Variants in COTL1 observed in about 807,000 individuals in gnomAD.
COTL1 encodes coactosin like F-actin binding protein 1.
COTL1 carries 15 observed loss-of-function variants against 16.5 expected under a neutral mutation model. The ratio of observed to expected loss-of-function variants is 0.91; its 90% CI spans 0.61 to 1.40. The LOEUF (loss-of-function observed/expected upper bound fraction) is 1.40. Among genes scored for constraint, COTL1 ranks in the 40% most tolerant of loss-of-function variants. COTL1 has a pLI of 0.00. For synonymous variants in COTL1, 112 were observed against 85.3 expected (o/e 1.31, Z -1.73); for missense variants, 220 against 201.5 (o/e 1.09, Z -0.56).
At chr16:84,591,427 A>G (rs148009723) in intron 2 of COTL1, among the ~76,000 whole-genome samples, 30,367 of 149,492 alleles carry the variant, frequency 0.2, 3,433 homozygotes, top group African/African-American at 0.31. Flanking sequence ...CTTGTATTCC[A>G]CCCGCCTCAG....
intron 2 of COTL1, among the ~76,000 whole-genome samples, chr16:84,603,418 C>T (rs1387115055): frequency 6.6e-6 from 1 of 152,142 alleles, no homozygotes; most frequent in South Asian, 2.1e-4. Context: ...TACAACACGG[C>T]GTCACAGCTC....
chr16:84,589,002 GCT>G (rs1224189385), intron 3 of COTL1, among the ~76,000 whole-genome samples: 1 of 151,188 alleles, frequency 6.6e-6, no homozygotes, highest in Admixed American at 6.6e-5. Context: ...ACAGGAATTC[GCT>G]CTGTTGCCCA....
chr16:84,609,008 A>C (rs557484272), intron 2 of COTL1, among the ~76,000 whole-genome samples: 6 of 152,214 alleles, frequency 3.9e-5, no homozygotes, highest in Non-Finnish European at 8.8e-5. Context: ...TCAGCACTTT[A>C]TAACTGCCCA....
intron 2 of COTL1, among the ~76,000 whole-genome samples, chr16:84,608,165 C>T (rs1268715772): frequency 5.3e-5 from 8 of 152,202 alleles, no homozygotes; most frequent in African/African-American, 1.9e-4. Flanking sequence ...TGTGGGTGGG[C>T]ACCAGAATGA....
At chr16:84,571,892 G>A (rs116667529) in intron 3 of COTL1, among the ~76,000 whole-genome samples, 7 of 152,172 alleles carry the variant, frequency 4.6e-5, no homozygotes, top group South Asian at 2.1e-4. Flanking sequence ...TGGTCAGGCC[G>A]CATGGAGGGG....
chr16:84,602,974 A>G (rs941989815), intron 2 of COTL1, among the ~76,000 whole-genome samples: 7 of 152,242 alleles, frequency 4.6e-5, no homozygotes, highest in African/African-American at 1.2e-4. Flanking sequence ...ACATGCACCA[A>G]GAACGGTAGC....
intron 3 of COTL1, among the ~76,000 whole-genome samples, chr16:84,588,368 G>C (rs1210998314): frequency 3.3e-5 from 5 of 152,004 alleles, no homozygotes; most frequent in Admixed American, 3.3e-4. Context: ...CATTACTGTG[G>C]TACATTTGTC....
In COTL1 at chr16:84,570,329, T is replaced by C. The variant is rs185342397; in HGVS notation, c.319-3374A>G. 1.6e-3 allele frequency among the ~76,000 whole-genome samples: 239 copies of C among 152,228 alleles called. 1 individual carries two copies. Among genetic ancestry groups the C allele is most frequent in the African/African-American group, 5.3e-3 (222 of 41,526 alleles). On this transcript the variant is annotated intron_variant, in intron 3 of 3. Transcript: ENST00000262428. ...TAAGAAATCTCAAATGAAAGATACA[T>C]GGAGCTAGGCACAGGTCAACCTAAA...
chr16:84,586,420 T>C (rs1421709570), intron 3 of COTL1, among the ~76,000 whole-genome samples: 1 of 152,088 alleles, frequency 6.6e-6, no homozygotes, highest in Admixed American at 6.6e-5. Context: ...AAAAGAGTTC[T>C]AGAGAGGAAA....
chr16:84,617,378 G>A (rs1055569359), intron 2 of COTL1, 123 bp downstream of exon 2: 35 of 832,786 alleles, frequency 4.2e-5, no homozygotes, highest in Admixed American at 6.8e-5. Flanking sequence ...TTCCTCCCAC[G>A]CCATGCGCCA....
intron 2 of COTL1, among the ~76,000 whole-genome samples, chr16:84,594,207 G>A (rs183832659): frequency 1.5e-3 from 223 of 152,318 alleles, no homozygotes; most frequent in African/African-American, 5.2e-3. Flanking sequence ...TTCCAAAATG[G>A]GGTGATTTCA....
chr16:84,581,750 C>T (rs923172732), intron 3 of COTL1, among the ~76,000 whole-genome samples: 6 of 152,086 alleles, frequency 3.9e-5, no homozygotes, highest in Non-Finnish European at 8.8e-5. Flanking sequence ...GGTGATCTAC[C>T]CGCCTTGGCC....
chr16:84,585,069 C>T (rs1904685957), intron 3 of COTL1, among the ~76,000 whole-genome samples: 1 of 152,158 alleles, frequency 6.6e-6, no homozygotes, highest in Admixed American at 6.6e-5. Flanking sequence ...CCAGAATACG[C>T]CAAAATAGAA....
chr16:84,613,279 C>T lies in COTL1; in HGVS notation c.160+4222G>A, dbSNP rs373717682. Among the ~76,000 whole-genome samples, 9 of 152,272 alleles carry T rather than the reference C, an allele frequency of 5.9e-5. No individual in the cohort carries two copies. The South Asian group carries it at 1.9e-3, about 32-fold the overall frequency. ...CCTCCCAAAGTGCCGGGATTACAGG[C>T]ATGAGCCACGGCGCCCGGACTAGAG... On this transcript the variant is annotated intron_variant, in intron 2 of 3. Transcript: ENST00000262428.
intron 3 of COTL1, among the ~76,000 whole-genome samples, chr16:84,578,947 G>A (rs1038560821): frequency 6.8e-6 from 1 of 146,734 alleles, no homozygotes; most frequent in East Asian, 2.0e-4. Context: ...GCACACACAG[G>A]TGCACACAGG....
intron 3 of COTL1, among the ~76,000 whole-genome samples, chr16:84,572,700 G>A (rs997588534): frequency 4.6e-5 from 7 of 152,032 alleles, no homozygotes; most frequent in Non-Finnish European, 8.8e-5. Context: ...GGGCTCAAGC[G>A]ATCCACCCAT....
intron 2 of COTL1, chr16:84,595,953 T>G (rs1597178966): frequency 6.6e-6 from 1 of 152,240 alleles, no homozygotes; most frequent in Non-Finnish European, 1.5e-5. Context: ...GTATGTGTGT[T>G]ATATATACAT....
chr16:84,600,005 C>T (rs894748620), intron 2 of COTL1, among the ~76,000 whole-genome samples: 2 of 152,078 alleles, frequency 1.3e-5, no homozygotes, highest in African/African-American at 4.8e-5. Context: ...GGCTCAGTGG[C>T]CGCCCACGTC....
intron 3 of COTL1, chr16:84,567,695 T>A (rs572807444): frequency 1.3e-5 from 2 of 152,394 alleles, no homozygotes; most frequent in African/African-American, 4.8e-5. Flanking sequence ...ATGGATGCAG[T>A]CAGTCTTTCC....
Sources: allele counts gnomAD v4.1 joint callset (sites outside exome capture counted in the v4.1 genomes callset), GRCh38; gene constraint gnomAD v4.1.1; transcripts MANE v1.5; gene names NCBI Gene and HGNC (gene_info 2026-07-23, HGNC 2026-07-21).